The following ZSWIM6 variants were observed in gnomAD, a reference collection of about 807,000 sequenced individuals.
ZSWIM6 encodes zinc finger SWIM-type containing 6.
A neutral mutation model predicts 113.2 loss-of-function variants in ZSWIM6; 9 were observed. The observed-to-expected ratio is 0.08, with a 90% CI of 0.05 to 0.14. The LOEUF is 0.14. ZSWIM6 is among the 10% of genes least tolerant of loss of function. The pLI is 1.00. For synonymous variants in ZSWIM6, 611 were observed against 606.5 expected (o/e 1.01, Z -0.11); for missense variants, 1,162 against 1,552.2 (o/e 0.75, Z 4.22).
intron 1 of ZSWIM6, among the ~76,000 whole-genome samples, chr5:61,416,220 G>A (rs565136336): frequency 2.0e-5 from 3 of 152,304 alleles, no homozygotes; most frequent in East Asian, 3.9e-4. Context: ...TCACAGTGTT[G>A]TTGTACCTGC....
chr5:61,525,753 CAT>C (rs1554040315), intron 5 of ZSWIM6, 45 bp from the exon 6 acceptor site: 1 of 1,545,804 alleles, frequency 6.5e-7, no homozygotes, highest in Non-Finnish European at 8.7e-7. Context: ...GATTTATTCA[CAT>C]GTGAATAATA....
intron 1 of ZSWIM6, among the ~76,000 whole-genome samples, chr5:61,397,898 A>G (rs1745873741): frequency 6.6e-6 from 1 of 152,178 alleles, no homozygotes; most frequent in Non-Finnish European, 1.5e-5. Context: ...TTTACCTATT[A>G]ATGTAACTAT....
At chr5:61,477,942 T>C (rs1361341073) in intron 2 of ZSWIM6, among the ~76,000 whole-genome samples, 4 of 152,220 alleles carry the variant, frequency 2.6e-5, no homozygotes, top group African/African-American at 9.6e-5. Flanking sequence ...ATGTTCCAAA[T>C]CTACCAGTGA....
intron 1 of ZSWIM6, among the ~76,000 whole-genome samples, chr5:61,431,109 C>T (rs1330701045): frequency 1.3e-5 from 2 of 152,010 alleles, no homozygotes; most frequent in East Asian, 1.9e-4. Context: ...TGGTGGCTCA[C>T]GCCTGTAATC....
At chr5:61,509,543 C>T (rs1177460750) in intron 4 of ZSWIM6, among the ~76,000 whole-genome samples, 1 of 152,098 alleles carries the variant, frequency 6.6e-6, no homozygotes, top group Admixed American at 6.6e-5. Context: ...AGTTGATAAT[C>T]CAGAAGCTAG....
intron 4 of ZSWIM6, among the ~76,000 whole-genome samples, chr5:61,515,581 A>G (rs540626999): frequency 3.9e-5 from 6 of 152,270 alleles, no homozygotes; most frequent in African/African-American, 1.4e-4. Flanking sequence ...TCCATTCATG[A>G]GAGCACAGCT....
intron 12 of ZSWIM6, 56 bp downstream of exon 12, chr5:61,539,815 C>G (rs181823959): frequency 5.7e-5 from 84 of 1,480,384 alleles, no homozygotes; most frequent in Non-Finnish European, 6.8e-5. Flanking sequence ...AAAGGCACCT[C>G]TTAGGGTTGT....
At chr5:61,424,694 G>A (rs1384853305) in intron 1 of ZSWIM6, among the ~76,000 whole-genome samples, 1 of 150,754 alleles carries the variant, frequency 6.6e-6, no homozygotes, top group Admixed American at 6.6e-5. Context: ...GTTTAAGAGT[G>A]TGAGTTCTGA....
chr5:61,478,141 G>A (rs7719647), intron 2 of ZSWIM6, among the ~76,000 whole-genome samples: 57,266 of 151,916 alleles, frequency 0.38, 10,943 homozygotes, highest in South Asian at 0.43. Flanking sequence ...TGGTGTTGAC[G>A]GTTGGTAAAA....
At chr5:61,519,442 G>GA (rs1271902948) in intron 4 of ZSWIM6, among the ~76,000 whole-genome samples, 2 of 152,138 alleles carry the variant, frequency 1.3e-5, no homozygotes, top group Non-Finnish European at 2.9e-5. Context: ...AAAAGAAGGG[G>GA]AAACATAATG....
At chr5:61,422,820 T>C (rs773136017) in intron 1 of ZSWIM6, among the ~76,000 whole-genome samples, 1 of 152,216 alleles carries the variant, frequency 6.6e-6, no homozygotes, top group African/African-American at 2.4e-5. Context: ...TTTGTAGCTA[T>C]TGTAAATAAG....
At chr5:61,338,484 T>C (rs2112023117) in intron 1 of ZSWIM6, among the ~76,000 whole-genome samples, 1 of 152,340 alleles carries the variant, frequency 6.6e-6, no homozygotes, top group East Asian at 1.9e-4. Flanking sequence ...ATTGTTCTTT[T>C]GTGTGAGTTG....
At chr5:61,529,332 G>C (rs186322358) in intron 7 of ZSWIM6, among the ~76,000 whole-genome samples, 161 of 152,348 alleles carry the variant, frequency 1.1e-3, no homozygotes, top group African/African-American at 3.8e-3. Flanking sequence ...GCATTCTGCG[G>C]TTTAACTTGA....
Position 61,531,520 on chromosome 5 carries a change from C to G in ZSWIM6, c.2040C>G (p.Phe680Leu). The change falls in exon 9 of 14, where the codon TTC (phenylalanine) becomes TTG (leucine). Residue 680 changes from phenylalanine to leucine, a missense_variant. Transcript: ENST00000252744. Reference protein sequence around the residue: ...LEYQHLPAHKFLEEGESYLTL... With the variant: ...LEYQHLPAHKLLEEGESYLTL... ...ACCAGCATCTACCTGCACACAAATT[C>G]TTAGAAGAAGGGGAATCCTATTTAA... The G allele has an allele frequency of 6.4e-7, 1 of 1,551,692 alleles. No individual in the cohort carries two copies. Among genetic ancestry groups the G allele is most frequent in the Non-Finnish European group, 8.7e-7 (1 of 1,146,976 alleles).
At chr5:61,429,577 G>A (rs1484338630) in intron 1 of ZSWIM6, among the ~76,000 whole-genome samples, 2 of 152,174 alleles carry the variant, frequency 1.3e-5, no homozygotes, top group East Asian at 3.9e-4. Flanking sequence ...TGCAATATGA[G>A]TGGATGTAAA....
chr5:61,510,858 T>A (rs1477925304), intron 4 of ZSWIM6, among the ~76,000 whole-genome samples: 2 of 152,178 alleles, frequency 1.3e-5, no homozygotes, highest in South Asian at 2.1e-4. Context: ...CAGAAAATGA[T>A]GACTTTTCTC....
At chr5:61,527,546 G>A (rs947021534) in intron 7 of ZSWIM6, among the ~76,000 whole-genome samples, 1 of 152,170 alleles carries the variant, frequency 6.6e-6, no homozygotes. Context: ...CCCGATTGTC[G>A]TGACTTTGTC....
intron 1 of ZSWIM6, among the ~76,000 whole-genome samples, chr5:61,387,859 C>T (rs527791456): frequency 2.0e-5 from 3 of 150,924 alleles, no homozygotes; most frequent in African/African-American, 4.9e-5. Flanking sequence ...TGCAGTGAGC[C>T]GAGATCATGC....
At chr5:61,409,523 G>C (rs1242428203) in intron 1 of ZSWIM6, among the ~76,000 whole-genome samples, 1 of 152,118 alleles carries the variant, frequency 6.6e-6, no homozygotes, top group African/African-American at 2.4e-5. Context: ...GAAAAATGTG[G>C]GTTCTTGGTA....
Sources: allele counts gnomAD v4.1 joint callset (sites outside exome capture counted in the v4.1 genomes callset), GRCh38; gene constraint gnomAD v4.1.1; transcripts MANE v1.5; gene names NCBI Gene and HGNC (gene_info 2026-07-23, HGNC 2026-07-21).